The following SIRT5 variants were observed in gnomAD, a reference collection of about 807,000 sequenced individuals.
SIRT5 encodes the protein NAD-dependent protein deacylase sirtuin-5, mitochondrial.
In SIRT5, 26 loss-of-function variants were observed where a neutral mutation model predicts 40.0. That is an observed-to-expected ratio of 0.65 (90% CI 0.48 to 0.90). SIRT5 has a LOEUF of 0.90. Among genes scored for constraint, SIRT5 ranks in the 40% least tolerant of loss-of-function variants. The pLI, the probability that SIRT5 is intolerant of heterozygous loss-of-function variation, is 0.00. For synonymous variants in SIRT5, 146 were observed against 149.1 expected (o/e 0.98, Z 0.15); for missense variants, 401 against 402.4 (o/e 1.00, Z 0.03).
At position 13,600,968 on chromosome 6, in the gene SIRT5, G is replaced by A; in HGVS notation, c.857+19G>A. ...GATTCAGGTACTGGGATACCCTGAT[G>A]GGAGAGGGAGATGTGGGAGGCAGGT... is the stretch of plus-strand genomic sequence containing the variant. On this transcript the variant is annotated intron_variant, in intron 9 of 9. Coordinates refer to ENST00000606117, the MANE Select transcript of SIRT5 (RefSeq NM_012241.5). 1 of 1,576,448 alleles carries A rather than the reference G, an allele frequency of 6.3e-7. No homozygotes were observed. Among genetic ancestry groups the A allele is most frequent in the South Asian group, 1.1e-5 (1 of 90,082 alleles).
At chr6:13,606,661 T>C (rs1032877812) in intron 9 of SIRT5, among the ~76,000 whole-genome samples, 3 of 152,122 alleles carry the variant, frequency 2.0e-5, no homozygotes, top group Non-Finnish European at 4.4e-5. Context: ...AAATCTACCT[T>C]CATTTGCTTT....
chr6:13,596,870 A>T, intron 6 of SIRT5, 93 bp from the exon 7 acceptor site: 1 of 1,001,184 alleles, frequency 1.0e-6, no homozygotes, highest in Non-Finnish European at 1.5e-6. Flanking sequence ...TATACCACAT[A>T]CTGCCAGGCA....
rs1036989745 is a variant in SIRT5, at chr6:13,583,813, AC to A, written c.-35-262del. Among the ~76,000 whole-genome samples, 227 of 152,232 alleles carry A rather than the reference AC, an allele frequency of 1.5e-3. 2 individuals carry two copies. Among genetic ancestry groups the A allele is most frequent in the African/African-American group, 5.2e-3 (214 of 41,518 alleles). ...GATGGCGACGCTGCTGGTCTAGGGA[AC>A]ACGCTTTGAGAAGCACTGCTCCAAG... On this transcript the variant is annotated intron_variant, in intron 2 of 9. Coordinates refer to ENST00000606117, the MANE Select transcript of SIRT5 (RefSeq NM_012241.5).
intron 9 of SIRT5, among the ~76,000 whole-genome samples, chr6:13,609,474 G>A (rs1184223023): frequency 6.6e-6 from 1 of 152,162 alleles, no homozygotes; most frequent in Non-Finnish European, 1.5e-5. Context: ...CATCATGTCT[G>A]GCTGGCAAAG....
intron 9 of SIRT5, among the ~76,000 whole-genome samples, chr6:13,610,208 C>T (rs983118290): frequency 6.6e-6 from 1 of 152,044 alleles, no homozygotes; most frequent in Non-Finnish European, 1.5e-5. Flanking sequence ...TAGCCTCAAG[C>T]GATCCTCCTG....
rs1224696963 is a variant in SIRT5 at position 13,612,079 on chromosome 6, AT to A, written c.*216del. 5 of 410,936 alleles carry A rather than the reference AT, an allele frequency of 1.2e-5. No individual in the cohort carries two copies. The highest frequency in any genetic ancestry group is 2.2e-5 in the Non-Finnish European group (5 of 229,306). 25.5% of individuals were successfully genotyped at this position (410,936 alleles called of 1,614,324 possible). A position where few individuals can be genotyped will look rare whatever the true frequency, so the allele number is the denominator to read the frequency against. On this transcript the variant is annotated 3_prime_UTR_variant, in exon 10 of 10. Transcript: ENST00000606117. Reference sequence around the variant, plus strand: ...TCACAGAACTGGAAAGTTAATTCATATTATTTGGTTTGAACTGAAACGTGAG... The same window carrying A: ...TCACAGAACTGGAAAGTTAATTCATATATTTGGTTTGAACTGAAACGTGAG...
intron 7 of SIRT5, among the ~76,000 whole-genome samples, chr6:13,597,414 A>G (rs868816294): frequency 6.6e-6 from 1 of 150,416 alleles, no homozygotes. Context: ...TTACAGGACC[A>G]AACAGAATGT....
intron 1 of SIRT5, among the ~76,000 whole-genome samples, chr6:13,576,386 C>A (rs1451865436): frequency 6.6e-6 from 1 of 152,146 alleles, no homozygotes; most frequent in East Asian, 1.9e-4. Flanking sequence ...ATTTAATTTG[C>A]ATTTCCCTGG....
rs534886293 is a variant in SIRT5 at position 13,584,669 on chromosome 6, A to T, written c.115+444A>T. 2.2e-3 allele frequency among the ~76,000 whole-genome samples: 334 copies of T among 152,212 alleles called. 1 individual carries two copies. The highest frequency in any genetic ancestry group is 3.8e-3 in the Non-Finnish European group (257 of 68,016). The stretch of plus-strand genomic sequence containing the variant: ...CACCTGTCCTCTTCTCTTTTAGGTA[A>T]TCCCTTCTAGGGCACCTTCAGAGCC... On this transcript the variant is annotated intron_variant, in intron 3 of 9. Coordinates refer to ENST00000606117, the MANE Select transcript of SIRT5 (RefSeq NM_012241.5).
chr6:13,611,793 T>G lies in SIRT5; in HGVS notation c.861T>G (p.Phe287Leu). The change falls in exon 10 of 10, where the codon TTT (phenylalanine) becomes TTG (leucine). Residue 287 changes from phenylalanine to leucine, a missense_variant. Phe to Leu is a conservative substitution (Grantham distance 22, BLOSUM62 0). Coordinates refer to ENST00000606117, the MANE Select transcript of SIRT5 (RefSeq NM_012241.5). ...ETTPATNRFR[F>L]HFQGPCGTTL... is the part of the protein sequence containing the mutation. ...GTATTTGCTTCTTCTCTTTCAGGTT[T>G]CATTTCCAGGGACCCTGTGGAACGA... 2 of 1,612,816 alleles carry G rather than the reference T, an allele frequency of 1.2e-6. No homozygotes were observed. The highest frequency in any genetic ancestry group is 8.5e-7 in the Non-Finnish European group (1 of 1,178,822).
intron 9 of SIRT5, among the ~76,000 whole-genome samples, 159 bp downstream of exon 9, chr6:13,601,108 C>G (rs1241439718): frequency 6.6e-6 from 1 of 152,202 alleles, no homozygotes; most frequent in Non-Finnish European, 1.5e-5. Flanking sequence ...CAAAATCATT[C>G]ACTGTAGACT....
chr6:13,605,673 C>T (rs189699660), intron 9 of SIRT5: 1 of 985,428 alleles, frequency 1.0e-6, no homozygotes, highest in East Asian at 1.1e-4. Context: ...ATGTCCGATG[C>T]TTATATTGGA....
chr6:13,574,340 G>A (rs1316894160), upstream of SIRT5, among the ~76,000 whole-genome samples: 3 of 152,046 alleles, frequency 2.0e-5, no homozygotes, highest in African/African-American at 7.2e-5. Context: ...CGGGGTCTCC[G>A]CGGCCTCTCC....
chr6:13,596,873 G>A (rs1761631313), intron 6 of SIRT5, 90 bp from the exon 7 acceptor site: 1 of 1,052,890 alleles, frequency 9.5e-7, no homozygotes, highest in Non-Finnish European at 1.4e-6. Context: ...ACCACATACT[G>A]CCAGGCAAAT....
intron 4 of SIRT5, chr6:13,589,535 A>C (rs1396894939): frequency 5.3e-5 from 8 of 152,264 alleles, no homozygotes; most frequent in Non-Finnish European, 1.0e-4. Flanking sequence ...ATAAATAAAT[A>C]CTGCAATACA....
chr6:13,606,899 C>G (rs1763189341), intron 9 of SIRT5, among the ~76,000 whole-genome samples: 1 of 151,718 alleles, frequency 6.6e-6, no homozygotes, highest in African/African-American at 2.4e-5. Flanking sequence ...TCAGACAGGT[C>G]TCAAACTCCT....
intron 7 of SIRT5, among the ~76,000 whole-genome samples, chr6:13,597,943 CAT>C (rs1761819512): frequency 6.6e-6 from 1 of 152,070 alleles, no homozygotes; most frequent in African/African-American, 2.4e-5. Context: ...TTGAAAAAAA[CAT>C]GTTAGGCACT....
chr6:13,586,133 C>A (rs1760052799), intron 3 of SIRT5, among the ~76,000 whole-genome samples: 1 of 152,158 alleles, frequency 6.6e-6, no homozygotes, highest in Admixed American at 6.5e-5. Context: ...TTTGTAGATT[C>A]TGGATATTAG....
At chr6:13,608,427 A>T (rs1651022886) in intron 9 of SIRT5, among the ~76,000 whole-genome samples, 1 of 152,156 alleles carries the variant, frequency 6.6e-6, no homozygotes, top group Non-Finnish European at 1.5e-5. Flanking sequence ...CTCTACTAAA[A>T]ATACAAAAAC....
Sources: gnomAD v4.1 joint callset for allele counts (sites outside exome capture counted in the v4.1 genomes callset) on GRCh38, gnomAD v4.1.1 for gene constraint, MANE v1.5 for transcripts, NCBI Gene and HGNC (gene_info 2026-07-23, HGNC 2026-07-21) for gene names.